Variants in ATP10A observed in about 807,000 individuals in gnomAD.
The protein encoded by ATP10A is ATPase phospholipid transporting 10A (putative).
Under a neutral mutation model 147.8 loss-of-function variants are expected in ATP10A, and 111 were observed. The observed-to-expected ratio is 0.75, with a 90% CI of 0.64 to 0.88. The LOEUF (loss-of-function observed/expected upper bound fraction) is 0.88. ATP10A is among the 40% of genes least tolerant of loss of function. The pLI is 0.00. For missense variants in ATP10A, 1,927 were observed against 1,959.0 expected (o/e 0.98, Z 0.31); for synonymous variants, 875 against 841.6 (o/e 1.04, Z -0.69).
At chr15:25,734,371 G>A (rs1197590299) in intron 3 of ATP10A, among the ~76,000 whole-genome samples, 1 of 152,164 alleles carries the variant, frequency 6.6e-6, no homozygotes, top group Non-Finnish European at 1.5e-5. Flanking sequence ...TGGTGGAGTT[G>A]GCACCGTAAA....
At chr15:25,705,308 C>G (rs1226633688) in intron 12 of ATP10A, among the ~76,000 whole-genome samples, 1 of 151,958 alleles carries the variant, frequency 6.6e-6, no homozygotes, top group Non-Finnish European at 1.5e-5. Flanking sequence ...TGGTGGCACA[C>G]GCCTGTGGTC....
intron 1 of ATP10A, among the ~76,000 whole-genome samples, chr15:25,844,335 T>C (rs938523563): frequency 2.0e-5 from 3 of 152,130 alleles, no homozygotes; most frequent in Non-Finnish European, 4.4e-5. Context: ...ACTCATAAAC[T>C]GCAACCTCAA....
chr15:25,786,107 GC>G, intron 1 of ATP10A, among the ~76,000 whole-genome samples: 1 of 152,366 alleles, frequency 6.6e-6, no homozygotes, highest in Admixed American at 6.5e-5. Context: ...CTGAGCACAG[GC>G]CATGCAGGCA....
At chr15:25,684,427 C>T (rs973437843) in intron 16 of ATP10A, among the ~76,000 whole-genome samples, 10 of 152,204 alleles carry the variant, frequency 6.6e-5, no homozygotes, top group African/African-American at 1.9e-4. Flanking sequence ...CTGCTGTGAG[C>T]GTGAAGCGAC....
chr15:25,682,286 A>G (rs1016770711), intron 17 of ATP10A, among the ~76,000 whole-genome samples: 9 of 152,102 alleles, frequency 5.9e-5, no homozygotes, highest in African/African-American at 2.2e-4. Flanking sequence ...ATGTGTCCCA[A>G]TGTTAAAAGC....
intron 2 of ATP10A, among the ~76,000 whole-genome samples, chr15:25,738,010 C>T (rs1015899748): frequency 6.6e-6 from 1 of 152,206 alleles, no homozygotes; most frequent in Non-Finnish European, 1.5e-5. Context: ...GGTGTTTCAT[C>T]AATGAGGCCC....
chr15:25,679,856 G>A lies in ATP10A; in HGVS notation c.3985C>T (p.Arg1329Cys), dbSNP rs777738173. The stretch of plus-strand genomic sequence containing the variant: ...TCGGTTCCCGAGTCCTTCGGGAGGC[G>A]TCCCTGAGCAAAGGTCTCTTTGGGA... The part of the protein sequence containing the change: ...SAPKETFAQG[R>C]LPKDSGTEHS... Residue 1329 changes from arginine (R) to cysteine (C), a missense_variant, in exon 21 of 21, where the codon CGC becomes TGC. By Grantham distance (180) the Arg-to-Cys change is radical (BLOSUM62 -3). Coordinates refer to ENST00000555815, the MANE Select transcript of ATP10A (RefSeq NM_024490.4). 7.5e-5 allele frequency: 121 copies of A among 1,610,232 alleles called. No homozygotes were observed. Among genetic ancestry groups the A allele is most frequent in the Non-Finnish European group, 9.3e-5 (110 of 1,179,932 alleles).
intron 2 of ATP10A, among the ~76,000 whole-genome samples, chr15:25,740,202 G>C (rs1887508411): frequency 6.6e-6 from 1 of 152,238 alleles, no homozygotes; most frequent in Non-Finnish European, 1.5e-5. Flanking sequence ...TGAAACAGCA[G>C]TGATGTTGGA....
At chr15:25,808,630 C>T (rs1014935252) in intron 1 of ATP10A, among the ~76,000 whole-genome samples, 3 of 152,198 alleles carry the variant, frequency 2.0e-5, no homozygotes, top group Non-Finnish European at 4.4e-5. Flanking sequence ...GTGATCCACC[C>T]GCCTCGGACT....
chr15:25,695,967 T>C (rs1321528343), intron 13 of ATP10A, among the ~76,000 whole-genome samples: 1 of 150,318 alleles, frequency 6.7e-6, no homozygotes, highest in Non-Finnish European at 1.5e-5. Flanking sequence ...AGGCTTTTAA[T>C]AGGCAAAACT....
At chr15:25,757,414 A>G (rs1888475544) in intron 2 of ATP10A, among the ~76,000 whole-genome samples, 1 of 152,176 alleles carries the variant, frequency 6.6e-6, no homozygotes, top group South Asian at 2.1e-4. Flanking sequence ...ACAATTTTGT[A>G]TGCAAAATGT....
chr15:25,745,438 G>A (rs1428418452), intron 2 of ATP10A, among the ~76,000 whole-genome samples: 1 of 151,960 alleles, frequency 6.6e-6, no homozygotes, highest in East Asian at 1.9e-4. Flanking sequence ...AAAAGAGAAG[G>A]AGGCCAAGCA....
chr15:25,742,453 G>C (rs1887626353), intron 2 of ATP10A, among the ~76,000 whole-genome samples: 1 of 152,218 alleles, frequency 6.6e-6, no homozygotes, highest in Admixed American at 6.5e-5. Context: ...TTCTAGTTTA[G>C]AACGCAGGCG....
intron 1 of ATP10A, among the ~76,000 whole-genome samples, chr15:25,839,454 A>G (rs180977295): frequency 6.6e-6 from 1 of 152,264 alleles, no homozygotes; most frequent in East Asian, 1.9e-4. Context: ...CTTAATGCTT[A>G]TCTCCGTACC....
chr15:25,743,335 A>G (rs1887669908), intron 2 of ATP10A, among the ~76,000 whole-genome samples: 1 of 152,254 alleles, frequency 6.6e-6, no homozygotes, highest in African/African-American at 2.4e-5. Flanking sequence ...TTCAAAAGAA[A>G]AGTTATCCAG....
At chr15:25,797,980 T>C (rs576011825) in intron 1 of ATP10A, among the ~76,000 whole-genome samples, 2 of 152,160 alleles carry the variant, frequency 1.3e-5, no homozygotes, top group Non-Finnish European at 2.9e-5. Flanking sequence ...ATGTAAGACT[T>C]CTGTGTTGTT....
intron 1 of ATP10A, among the ~76,000 whole-genome samples, chr15:25,814,709 T>A (rs1427795010): frequency 1.3e-5 from 2 of 152,178 alleles, no homozygotes; most frequent in Admixed American, 1.3e-4. Flanking sequence ...GAATAAGCCT[T>A]CTTTAAGTTA....
Position 25,714,171 on chromosome 15 carries a change from C to G in ATP10A, c.1847G>C (p.Ser616Thr). 1 of 1,608,984 alleles carries G rather than the reference C, an allele frequency of 6.2e-7. No individual in the cohort carries two copies. The highest frequency in any genetic ancestry group is 1.7e-5 in the Admixed American group (1 of 60,008). Residue 616 changes from serine to threonine, a missense_variant, in exon 10 of 21, where the codon AGC becomes ACC. Transcript: ENST00000555815. ...IEDFLRRFTP[S>T]CLTSGCSSIG... is the part of the protein sequence containing the mutation. ...GCTGCTGCAGCCTGAGGTCAGGCAG[C>G]TGGGTGTGAACCTCCGCAGGAAGTC...
intron 1 of ATP10A, among the ~76,000 whole-genome samples, chr15:25,799,077 G>A (rs933684737): frequency 1.3e-5 from 2 of 152,150 alleles, no homozygotes; most frequent in Non-Finnish European, 2.9e-5. Flanking sequence ...CAGTTATTTT[G>A]GTACAGGGGC....
Sources: gnomAD v4.1 joint callset for allele counts (sites outside exome capture counted in the v4.1 genomes callset) on GRCh38, gnomAD v4.1.1 for gene constraint, MANE v1.5 for transcripts, NCBI Gene and HGNC (gene_info 2026-07-23, HGNC 2026-07-21) for gene names.